Variants in GABRG3 observed in about 807,000 individuals in gnomAD.
GABRG3 encodes the protein gamma-aminobutyric acid type A receptor subunit gamma3.
Under a neutral mutation model 48.8 loss-of-function variants are expected in GABRG3, and 25 were observed. The observed-to-expected ratio is 0.51, with a 90% confidence interval of 0.37 to 0.72. GABRG3 has a LOEUF of 0.72. Ranked by LOEUF, GABRG3 falls within the 30% of genes least tolerant of loss-of-function variation. The probability of loss-of-function intolerance (pLI) is 0.00; values close to 1 mark genes in which losing one functional copy is unlikely to be tolerated. For missense variants in GABRG3, 394 were observed against 577.9 expected (o/e 0.68, Z 3.26); for synonymous variants, 227 against 217.6 (o/e 1.04, Z -0.38).
intron 3 of GABRG3, among the ~76,000 whole-genome samples, chr15:27,095,134 A>G (rs1430398895): frequency 3.3e-5 from 5 of 152,220 alleles, no homozygotes; most frequent in Non-Finnish European, 7.3e-5. Context: ...TTTTTAAAAA[A>G]TGACATTTCA....
At chr15:27,092,001 A>G (rs1295860488) in intron 3 of GABRG3, among the ~76,000 whole-genome samples, 2 of 152,210 alleles carry the variant, frequency 1.3e-5, no homozygotes, top group Non-Finnish European at 2.9e-5. Context: ...GGAACACCCC[A>G]GAGGTCCCTG....
chr15:27,188,051 C>T (rs996074027), intron 3 of GABRG3, among the ~76,000 whole-genome samples: 1 of 151,784 alleles, frequency 6.6e-6, no homozygotes, highest in African/African-American at 2.4e-5. Context: ...TACAAAGGAC[C>T]TGAACTCATC....
intron 3 of GABRG3, among the ~76,000 whole-genome samples, chr15:27,130,415 A>G (rs1430601299): frequency 6.6e-6 from 1 of 152,062 alleles, no homozygotes; most frequent in Non-Finnish European, 1.5e-5. Flanking sequence ...ATCTGTCTTT[A>G]TATAATTACC....
At chr15:27,133,466 T>TG (rs912681328) in intron 3 of GABRG3, among the ~76,000 whole-genome samples, 6 of 152,220 alleles carry the variant, frequency 3.9e-5, no homozygotes, top group Non-Finnish European at 7.3e-5. Flanking sequence ...CCCAAGGCGC[T>TG]GGTGAGGCAG....
intron 3 of GABRG3, among the ~76,000 whole-genome samples, chr15:27,092,204 A>G (rs1272757761): frequency 3.9e-5 from 6 of 152,118 alleles, no homozygotes; most frequent in African/African-American, 1.4e-4. Context: ...CACACCAGCC[A>G]TGTCATTCTG....
At chr15:27,122,583 A>G (rs1354480481) in intron 3 of GABRG3, among the ~76,000 whole-genome samples, 1 of 152,198 alleles carries the variant, frequency 6.6e-6, no homozygotes, top group Non-Finnish European at 1.5e-5. Flanking sequence ...ATTGAGAGAG[A>G]AAAGCAATGC....
At chr15:27,254,888 C>T (rs74004754) in intron 3 of GABRG3, among the ~76,000 whole-genome samples, 1 of 150,704 alleles carries the variant, frequency 6.6e-6, no homozygotes, top group East Asian at 2.0e-4. Flanking sequence ...GAGAGACAGA[C>T]ACAGACAGAC....
At chr15:27,161,293 G>A (rs757091839) in intron 3 of GABRG3, 1 of 152,150 alleles carries the variant, frequency 6.6e-6, no homozygotes, top group Non-Finnish European at 1.5e-5. Context: ...AGATGCCTGG[G>A]TCAGAGACAA....
At chr15:27,249,208 C>T (rs545916431) in intron 3 of GABRG3, among the ~76,000 whole-genome samples, 3 of 152,264 alleles carry the variant, frequency 2.0e-5, no homozygotes, top group East Asian at 1.9e-4. Flanking sequence ...CCTGGGAGTG[C>T]GTGGCGCTCC....
At chr15:27,461,346 G>C (rs1889441000) in intron 5 of GABRG3, among the ~76,000 whole-genome samples, 1 of 152,096 alleles carries the variant, frequency 6.6e-6, no homozygotes. Context: ...TACAAACATT[G>C]ACTAGTCTGA....
At chr15:27,242,754 A>G (rs1403299495) in intron 3 of GABRG3, among the ~76,000 whole-genome samples, 1 of 152,242 alleles carries the variant, frequency 6.6e-6, no homozygotes, top group Non-Finnish European at 1.5e-5. Flanking sequence ...AAAGAGTCTC[A>G]ACAGAAGAAT....
At chr15:27,351,015 GTGTA>G (rs1486774860) in intron 5 of GABRG3, among the ~76,000 whole-genome samples, 1 of 150,678 alleles carries the variant, frequency 6.6e-6, no homozygotes, top group African/African-American at 2.4e-5. Context: ...TGTGTATGGT[GTGTA>G]TGATGTGTTT....
At chr15:27,065,893 G>A (rs559981356) in intron 3 of GABRG3, among the ~76,000 whole-genome samples, 2 of 152,120 alleles carry the variant, frequency 1.3e-5, no homozygotes, top group Admixed American at 1.3e-4. Flanking sequence ...TGTGGACTTC[G>A]GTTTCCAAAC....
At chr15:27,295,383 C>T (rs1891947924) in intron 3 of GABRG3, among the ~76,000 whole-genome samples, 2 of 152,110 alleles carry the variant, frequency 1.3e-5, no homozygotes, top group South Asian at 2.1e-4. Flanking sequence ...CTCAACTCTC[C>T]TGTAACCATT....
chr15:27,323,383 G>A (rs891194541), intron 3 of GABRG3, among the ~76,000 whole-genome samples: 3 of 152,212 alleles, frequency 2.0e-5, no homozygotes, highest in Non-Finnish European at 2.9e-5. Flanking sequence ...TCGCATTGGC[G>A]GGCCCTGGAT....
At chr15:27,266,335 T>C (rs74705491) in intron 3 of GABRG3, among the ~76,000 whole-genome samples, 1,647 of 152,302 alleles carry the variant, frequency 0.011, 26 homozygotes, top group East Asian at 0.059. Context: ...ATGCTGAAGA[T>C]TATCTTCTGC....
intron 5 of GABRG3, among the ~76,000 whole-genome samples, chr15:27,399,658 G>T (rs1887420368): frequency 6.6e-6 from 1 of 152,290 alleles, no homozygotes; most frequent in Admixed American, 6.5e-5. Context: ...TTAGGAAGGA[G>T]AGTATTTTAT....
chr15:27,225,781 C>T (rs1008099963), intron 3 of GABRG3, among the ~76,000 whole-genome samples: 3 of 152,006 alleles, frequency 2.0e-5, no homozygotes, highest in African/African-American at 7.3e-5. Context: ...AGAAGTCCTC[C>T]ATCAGAATAG....
chr15:27,155,949 C>T (rs532348459), intron 3 of GABRG3, among the ~76,000 whole-genome samples: 5 of 152,056 alleles, frequency 3.3e-5, no homozygotes, highest in African/African-American at 1.2e-4. Context: ...TGAGCGAAGC[C>T]AAGTCCACCA....
Sources: allele counts gnomAD v4.1 joint callset (sites outside exome capture counted in the v4.1 genomes callset), GRCh38; gene constraint gnomAD v4.1.1; transcripts MANE v1.5; gene names NCBI Gene and HGNC (gene_info 2026-07-23, HGNC 2026-07-21).